The following GAS7 variants were observed in gnomAD, a reference collection of about 807,000 sequenced individuals.
GAS7 encodes the protein growth arrest specific 7.
In GAS7, 28 loss-of-function variants were observed where a neutral mutation model predicts 71.1. The ratio of observed to expected loss-of-function variants is 0.39; its 90% CI spans 0.29 to 0.54. The LOEUF (loss-of-function observed/expected upper bound fraction) is 0.54, where lower values mean the gene tolerates loss of function less well. Among genes scored for constraint, GAS7 ranks in the 20% least tolerant of loss-of-function variants. GAS7 has a pLI of 0.62. For synonymous variants in GAS7, 258 were observed against 245.8 expected (o/e 1.05, Z -0.46); for missense variants, 436 against 627.8 (o/e 0.69, Z 3.27).
At chr17:10,137,537 T>C (rs2074048352) in intron 1 of GAS7, among the ~76,000 whole-genome samples, 1 of 64,584 alleles carries the variant, frequency 1.5e-5, no homozygotes, top group Non-Finnish European at 3.4e-5. Flanking sequence ...ACAGTGAAGT[T>C]TTCTCTTTTT....
intron 1 of GAS7, among the ~76,000 whole-genome samples, chr17:10,046,497 G>T (rs2072958859): frequency 6.6e-6 from 1 of 151,706 alleles, no homozygotes. Flanking sequence ...CCAGCACACT[G>T]CCCGCCTCGG....
intron 1 of GAS7, among the ~76,000 whole-genome samples, chr17:10,062,821 C>T (rs552650637): frequency 6.6e-6 from 1 of 152,326 alleles, no homozygotes; most frequent in South Asian, 2.1e-4. Context: ...CATTAGCTGA[C>T]ACTAATTCCT....
chr17:10,085,896 C>A (rs1483557838), intron 1 of GAS7, among the ~76,000 whole-genome samples: 3 of 151,462 alleles, frequency 2.0e-5, no homozygotes, highest in Middle Eastern at 3.2e-3. Flanking sequence ...AGTGACAGAG[C>A]CAGAATTGGA....
chr17:10,099,247 C>T (rs551453607), intron 1 of GAS7, among the ~76,000 whole-genome samples: 3 of 152,152 alleles, frequency 2.0e-5, no homozygotes, highest in East Asian at 1.9e-4. Context: ...TACCAAACAG[C>T]GCCTGTTCCA....
intron 1 of GAS7, among the ~76,000 whole-genome samples, chr17:10,063,925 C>T (rs1034358549): frequency 6.6e-6 from 1 of 152,098 alleles, no homozygotes; most frequent in Non-Finnish European, 1.5e-5. Flanking sequence ...TGCCTCAATG[C>T]CCCTAGTGAG....
intron 1 of GAS7, among the ~76,000 whole-genome samples, chr17:10,085,646 C>T (rs1597783160): frequency 1.4e-5 from 2 of 138,652 alleles, no homozygotes. Flanking sequence ...GAGCCAAGAT[C>T]GTGCCACTGC....
chr17:10,186,685 C>T (rs1427680599), intron 1 of GAS7, among the ~76,000 whole-genome samples: 2 of 152,120 alleles, frequency 1.3e-5, no homozygotes, highest in Non-Finnish European at 2.9e-5. Context: ...GGATTACAGG[C>T]GTGAGCCACC....
rs1234543673 is a variant in GAS7 at position 9,919,184 on chromosome 17, C to CT, written c.1218+441_1218+442insA. On this transcript the variant is annotated intron_variant, in intron 12 of 13. Transcript: ENST00000432992. This position sits in a 1 kb window ranked among gnomAD's most constrained non-coding sequence, Gnocchi z 5.0. ...TTGTTCACCCTTGGTGAGAGGCCTC[C>CT]CCCACCCCACTGCCTAGCTCCATCC... 2.0e-5 allele frequency among the ~76,000 whole-genome samples: 3 copies of CT among 151,912 alleles called. No individual in the cohort carries two copies. Among genetic ancestry groups the CT allele is most frequent in the Non-Finnish European group, 2.9e-5 (2 of 67,934 alleles).
chr17:9,959,802 C>T lies in GAS7; in HGVS notation c.472-547G>A, dbSNP rs769027940. On this transcript the variant is annotated intron_variant, in intron 4 of 13. Coordinates refer to ENST00000432992, the MANE Select transcript of GAS7 (RefSeq NM_201433.2). The surrounding 1 kb of genome is among the most constrained non-coding windows in gnomAD (Gnocchi z 5.0). ...CCGTGAGCCAGGAGGGATTTCTCAG[C>T]CAAACCGACTTCCAGCTTCCACTCA... Among the ~76,000 whole-genome samples, 7 of 151,980 alleles carry T rather than the reference C, an allele frequency of 4.6e-5. No homozygotes were observed. The highest frequency in any genetic ancestry group is 1.0e-4 in the Non-Finnish European group (7 of 68,018).
chr17:10,034,834 C>A lies in GAS7; in HGVS notation c.184-14937G>T, dbSNP rs957866633. Among the ~76,000 whole-genome samples the A allele has an allele frequency of 6.6e-6, 1 of 152,166 alleles. No homozygotes were observed. The highest frequency in any genetic ancestry group is 1.5e-5 in the Non-Finnish European group (1 of 68,034). On this transcript the variant is annotated intron_variant, in intron 1 of 13. Transcript: ENST00000432992. This position sits in a 1 kb window ranked among gnomAD's most constrained non-coding sequence, Gnocchi z 4.4. ...ACTGAGTTCTGTCCTGATGCGTCCACCTCTTCCCTGTCACTCCTCCGAGCC... is the reference window on the plus strand; with the variant it reads ...ACTGAGTTCTGTCCTGATGCGTCCAACTCTTCCCTGTCACTCCTCCGAGCC...
chr17:10,007,266 G>A (rs1204693292), intron 2 of GAS7, among the ~76,000 whole-genome samples: 1 of 152,038 alleles, frequency 6.6e-6, no homozygotes, highest in Non-Finnish European at 1.5e-5. Flanking sequence ...AATTTCCGAG[G>A]TATTTCTGAC....
intron 5 of GAS7, among the ~76,000 whole-genome samples, chr17:9,948,311 G>A (rs1242301766): frequency 6.6e-6 from 1 of 152,230 alleles, no homozygotes; most frequent in Admixed American, 6.5e-5. Flanking sequence ...GGAACTGTGT[G>A]GGTGAGGGTC....
In GAS7 at chr17:9,916,731, A is replaced by G. The variant is rs906098878; in HGVS notation, c.*497T>C. ...AGAATGCAATGGGAAAAAAATAAAGAAGGAGGGCTGCAAAGGATTCTGGGT... is the reference window on the plus strand; with the variant it reads ...AGAATGCAATGGGAAAAAAATAAAGGAGGAGGGCTGCAAAGGATTCTGGGT... On this transcript the variant is annotated 3_prime_UTR_variant, in exon 14 of 14. Transcript: ENST00000432992. 6 of 390,610 alleles carry G rather than the reference A, an allele frequency of 1.5e-5. No homozygotes were observed. The highest frequency in any genetic ancestry group is 2.7e-5 in the Non-Finnish European group (6 of 221,388). 24.2% of individuals were successfully genotyped at this position (390,610 alleles called of 1,614,324 possible). A position where few individuals can be genotyped will look rare whatever the true frequency, so the allele number is the denominator to read the frequency against.
At chr17:10,196,573 C>A (rs558237977) in intron 1 of GAS7, among the ~76,000 whole-genome samples, 2 of 152,266 alleles carry the variant, frequency 1.3e-5, no homozygotes, top group South Asian at 4.1e-4. Flanking sequence ...CCTGGTCCAT[C>A]GTCCCTTTCC....
intron 4 of GAS7, among the ~76,000 whole-genome samples, chr17:9,963,959 G>A (rs2069603847): frequency 6.6e-6 from 1 of 151,956 alleles, no homozygotes; most frequent in Non-Finnish European, 1.5e-5. Flanking sequence ...ATTGGGGGAG[G>A]GGATGGGAGC....
intron 1 of GAS7, among the ~76,000 whole-genome samples, chr17:10,155,023 T>A (rs72810905): frequency 0.049 from 7,485 of 151,870 alleles, 254 homozygotes; most frequent in South Asian, 0.1. Context: ...TAACTCTTTT[T>A]TTTTTTTTGA....
chr17:10,126,754 C>A (rs903718304), intron 1 of GAS7, among the ~76,000 whole-genome samples: 1 of 152,204 alleles, frequency 6.6e-6, no homozygotes. Context: ...CCAGTCCCAG[C>A]GTGGGGCACG....
At chr17:10,007,625 C>CA (rs201254619) in intron 2 of GAS7, among the ~76,000 whole-genome samples, 1,350 of 46,190 alleles carry the variant, frequency 0.029, 79 homozygotes, top group Middle Eastern at 0.11. Flanking sequence ...GATTCTGTCT[C>CA]AAAAAAAAAA....
intron 1 of GAS7, among the ~76,000 whole-genome samples, chr17:10,072,253 A>G (rs935019888): frequency 6.6e-6 from 1 of 152,188 alleles, no homozygotes; most frequent in African/African-American, 2.4e-5. Context: ...GGGCCCAGAC[A>G]CTATCTGCCC....
Sources: gnomAD v4.1 joint callset for allele counts (sites outside exome capture counted in the v4.1 genomes callset) on GRCh38, gnomAD v4.1.1 for gene constraint, Gnocchi (gnomAD v3.1) non-coding constraint, MANE v1.5 for transcripts, NCBI Gene and HGNC (gene_info 2026-07-23, HGNC 2026-07-21) for gene names.